TLK1: variants seen among roughly 807,000 people sequenced by gnomAD.
The protein encoded by TLK1 is serine/threonine-protein kinase tousled-like 1.
A neutral mutation model predicts 105.3 loss-of-function variants in TLK1; 24 were observed. That is an observed-to-expected ratio of 0.23 (90% confidence interval 0.17 to 0.32). TLK1 has a LOEUF of 0.32. Ranked by LOEUF, TLK1 falls within the 10% of genes least tolerant of loss-of-function variation. TLK1 has a pLI of 1.00. For synonymous variants in TLK1, 321 were observed against 310.4 expected, an observed-to-expected ratio of 1.03 and a Z score of -0.36; for missense variants, 558 against 910.5, an observed-to-expected ratio of 0.61 and a Z score of 4.98.
intron 1 of TLK1, among the ~76,000 whole-genome samples, chr2:171,139,993 G>C (rs769055145): frequency 2.4e-4 from 37 of 152,196 alleles, no homozygotes; most frequent in Non-Finnish European, 4.9e-4. Context: ...TCTCACAGGA[G>C]GTGGAGCTCA....
chr2:171,155,395 T>C (rs1485137258), intron 1 of TLK1, among the ~76,000 whole-genome samples: 1 of 152,158 alleles, frequency 6.6e-6, no homozygotes, highest in Non-Finnish European at 1.5e-5. Flanking sequence ...TCATGAAGAC[T>C]GATCTTGCTG....
At chr2:171,159,982 G>T (rs778988647) in intron 1 of TLK1, among the ~76,000 whole-genome samples, 1 of 152,222 alleles carries the variant, frequency 6.6e-6, no homozygotes, top group South Asian at 2.1e-4. Flanking sequence ...CTCGCGTCTG[G>T]GGGGAGGCTT....
chr2:171,027,613 C>A (rs1383991129), intron 12 of TLK1, among the ~76,000 whole-genome samples: 1 of 152,002 alleles, frequency 6.6e-6, no homozygotes, highest in Non-Finnish European at 1.5e-5. Context: ...AAAAGATAAG[C>A]CAAAGAAATA....
At chr2:171,121,886 T>G (rs1024347711) in intron 1 of TLK1, among the ~76,000 whole-genome samples, 2 of 152,228 alleles carry the variant, frequency 1.3e-5, no homozygotes, top group Non-Finnish European at 2.9e-5. Flanking sequence ...ACAAATGGGT[T>G]TCTAACCAAA....
chr2:171,177,091 C>A (rs1325046414), intron 1 of TLK1, among the ~76,000 whole-genome samples: 1 of 151,924 alleles, frequency 6.6e-6, no homozygotes, highest in Non-Finnish European at 1.5e-5. Flanking sequence ...CCTCTGCCTC[C>A]CAAAGTGCTG....
chr2:171,088,377 C>T (rs1029248303), intron 2 of TLK1, among the ~76,000 whole-genome samples: 1 of 152,166 alleles, frequency 6.6e-6, no homozygotes, highest in African/African-American at 2.4e-5. Flanking sequence ...AAACCCTGCC[C>T]AGTTACACAG....
chr2:171,224,765 C>T (rs1380949711), intron 1 of TLK1, among the ~76,000 whole-genome samples: 1 of 152,078 alleles, frequency 6.6e-6, no homozygotes. Flanking sequence ...TCTTAAAGAA[C>T]AAAACTGTGG....
chr2:171,104,276 C>CAAA (rs200041617), intron 2 of TLK1, among the ~76,000 whole-genome samples: 1 of 108,342 alleles, frequency 9.2e-6, no homozygotes, highest in Non-Finnish European at 1.9e-5. Flanking sequence ...GATTCTGTCT[C>CAAA]AAAAAAAAAA....
intron 1 of TLK1, among the ~76,000 whole-genome samples, chr2:171,175,675 TTATC>T (rs1205815831): frequency 1.3e-5 from 2 of 152,100 alleles, no homozygotes; most frequent in East Asian, 1.9e-4. Flanking sequence ...CTCTCAGTCT[TTATC>T]TAACTAGCCC....
intron 1 of TLK1, among the ~76,000 whole-genome samples, chr2:171,225,995 C>T (rs953604695): frequency 6.6e-6 from 1 of 151,802 alleles, no homozygotes; most frequent in Non-Finnish European, 1.5e-5. Flanking sequence ...TTTTAAGCAT[C>T]CTAAATTATA....
chr2:171,144,998 A>C (rs1040854617), intron 1 of TLK1, among the ~76,000 whole-genome samples: 5 of 152,178 alleles, frequency 3.3e-5, no homozygotes, highest in Non-Finnish European at 7.4e-5. Flanking sequence ...GGGAAATGAA[A>C]AATTAAAACC....
At chr2:171,007,719 C>T (rs1035889559) in intron 14 of TLK1, among the ~76,000 whole-genome samples, 7 of 152,040 alleles carry the variant, frequency 4.6e-5, no homozygotes, top group African/African-American at 1.7e-4. Flanking sequence ...TACATTATTT[C>T]TCCCAGTAAA....
intron 3 of TLK1, among the ~76,000 whole-genome samples, chr2:171,078,113 A>T (rs1688594993): frequency 6.6e-6 from 1 of 152,092 alleles, no homozygotes; most frequent in South Asian, 2.1e-4. Flanking sequence ...TACACTTGTT[A>T]TCTTCCTTCT....
chr2:171,028,885 C>G (rs1387988874), intron 11 of TLK1, among the ~76,000 whole-genome samples: 1 of 151,848 alleles, frequency 6.6e-6, no homozygotes, highest in African/African-American at 2.4e-5. Context: ...ATGAAGAAGG[C>G]AAAAAAGGAT....
intron 8 of TLK1, among the ~76,000 whole-genome samples, chr2:171,051,915 T>C (rs529015428): frequency 6.6e-6 from 1 of 152,138 alleles, no homozygotes; most frequent in African/African-American, 2.4e-5. Context: ...TAGAAAGAAA[T>C]TGAAATGAAA....
At chr2:171,194,741 T>C (rs113898065) in intron 1 of TLK1, among the ~76,000 whole-genome samples, 18,687 of 144,282 alleles carry the variant, frequency 0.13, 1,901 homozygotes, top group African/African-American at 0.29. Flanking sequence ...GGCGTGAACC[T>C]GGGAGGCGGA....
At chr2:171,067,041 T>A in intron 3 of TLK1, 1 of 1,432,194 alleles carries the variant, frequency 7.0e-7, no homozygotes, top group Non-Finnish European at 9.3e-7. Context: ...AGTAACATAC[T>A]CCTGTATCAT....
At chr2:171,060,023 G>C (rs1687677046) in intron 4 of TLK1, 2 of 1,610,542 alleles carry the variant, frequency 1.2e-6, no homozygotes, top group Admixed American at 1.7e-5. Flanking sequence ...CTTTGGACTT[G>C]AAGTCAAGTT....
At chr2:171,076,321 ATG>A (rs1180880950) in intron 3 of TLK1, among the ~76,000 whole-genome samples, 4 of 152,044 alleles carry the variant, frequency 2.6e-5, no homozygotes, top group African/African-American at 9.7e-5. Flanking sequence ...GATTAAAAGG[ATG>A]AGTTGAGTCC....
Sources: gnomAD v4.1 joint callset for allele counts (sites outside exome capture counted in the v4.1 genomes callset) on GRCh38, gnomAD v4.1.1 for gene constraint, MANE v1.5 for transcripts, NCBI Gene and HGNC (gene_info 2026-07-23, HGNC 2026-07-21) for gene names.